USP38: variants seen among roughly 807,000 people sequenced by gnomAD.
The protein encoded by USP38 is ubiquitin specific peptidase 38, also known as ubiquitin carboxyl-terminal hydrolase 38.
In USP38, 49 loss-of-function variants were observed where a neutral mutation model predicts 94.3. That is an observed-to-expected ratio of 0.52 (90% CI 0.41 to 0.66). USP38 has a LOEUF of 0.66. USP38 is among the 30% of genes least tolerant of loss of function. The pLI is 0.00. For synonymous variants in USP38, 468 were observed against 463.6 expected (o/e 1.01, Z -0.12); for missense variants, 1,128 against 1,229.4 (o/e 0.92, Z 1.23).
In USP38 at chr4:143,186,045, A is replaced by T; in HGVS notation, c.595A>T (p.Ser199Cys). 1 of 1,614,206 alleles carries T rather than the reference A, an allele frequency of 6.2e-7. No individual in the cohort carries two copies. The highest frequency in any genetic ancestry group is 8.5e-7 in the Non-Finnish European group (1 of 1,180,038). Residue 199 changes from serine to cysteine, a missense_variant, in exon 1 of 10, where the codon AGT becomes TGT. By Grantham distance (112) the Ser-to-Cys change is moderately radical. Transcript: ENST00000307017. ...ATATGTCTCCCAGGTGACAAAAGTG[A>T]GTAACTTGCTGCAGAACATCTGGAA... ...REYVSQVTKV[S>C]NLLQNIWKAE...
rs760712881 is a variant in USP38 at position 143,214,363 on chromosome 4, G to T, written c.2387G>T (p.Arg796Ile). ...CTGGTTTTGGAGTTGCCAGTTAAAA[G>T]AATTACTTCTTTCTCTTCATTGTCA... ...LPLVLELPVK[R>I]ITSFSSLSES... Residue 796 changes from arginine to isoleucine, a missense_variant, in exon 9 of 10, where the codon AGA becomes ATA. Transcript: ENST00000307017. 18 of 1,613,550 alleles carry T rather than the reference G, an allele frequency of 1.1e-5. No homozygotes were observed. Among genetic ancestry groups the T allele is most frequent in the East Asian group, 4.5e-5 (2 of 44,866 alleles).
At chr4:143,203,279 A>G in intron 4 of USP38, 129 bp from the exon 5 acceptor site, 2 of 943,208 alleles carry the variant, frequency 2.1e-6, no homozygotes, top group Non-Finnish European at 1.5e-6. Flanking sequence ...TAATAACAAG[A>G]AAAACTCTGT....
At position 143,197,857 on chromosome 4, in the gene USP38, C is replaced by G; in HGVS notation, c.983C>G (p.Pro328Arg). Reference sequence around the variant, plus strand: ...CGACTTTGGTTTCCTCTTGTGAGACCTGGTGCTCTTGCAGTTCTTTCTCAC... The same window carrying G: ...CGACTTTGGTTTCCTCTTGTGAGACGTGGTGCTCTTGCAGTTCTTTCTCAC... Reference protein sequence around the residue: ...FNRLWFPLVRPGALAVLSHML... With the variant: ...FNRLWFPLVRRGALAVLSHML... The change falls in exon 4 of 10, where the codon CCT (proline) becomes CGT (arginine). Residue 328 changes from proline (P) to arginine (R), a missense_variant. Coordinates refer to ENST00000307017, the MANE Select transcript of USP38 (RefSeq NM_032557.6). 6.2e-7 allele frequency: 1 copy of G among 1,613,816 alleles called. No individual in the cohort carries two copies. Among genetic ancestry groups the G allele is most frequent in the Non-Finnish European group, 8.5e-7 (1 of 1,179,836 alleles).
intron 3 of USP38, 28 bp from the exon 4 acceptor site, chr4:143,197,795 T>G (rs991619828): frequency 7.3e-6 from 11 of 1,510,036 alleles, no homozygotes; most frequent in Non-Finnish European, 1.0e-5. Context: ...TGCAAATTCT[T>G]AAGAAGGTGT....
In USP38 at chr4:143,220,967, TATA is replaced by T. The variant is rs1732309956; in HGVS notation, c.*512_*514del. 6.6e-6 allele frequency: 1 copy of T among 152,372 alleles called. No individual in the cohort carries two copies. The highest frequency in any genetic ancestry group is 2.4e-5 in the African/African-American group (1 of 41,454). The allele number at this position is 152,372 out of a possible 1,614,324, so 9.4% of individuals were successfully genotyped here. On this transcript the variant is annotated 3_prime_UTR_variant, in exon 10 of 10. Coordinates refer to ENST00000307017, the MANE Select transcript of USP38 (RefSeq NM_032557.6). ...AAGGCAATAACAAAATTTATCAAGATATAGTACTTTTCAGTTTTTGTTTAGTGT... is the reference window on the plus strand; with the variant it reads ...AAGGCAATAACAAAATTTATCAAGATGTACTTTTCAGTTTTTGTTTAGTGT...
chr4:143,193,682 C>T (rs545627546), intron 2 of USP38, among the ~76,000 whole-genome samples: 10 of 152,238 alleles, frequency 6.6e-5, no homozygotes, highest in Admixed American at 3.3e-4. Flanking sequence ...TCTTAATATC[C>T]GAATGGACAT....
At chr4:143,192,693 A>G (rs1731433618) in intron 2 of USP38, among the ~76,000 whole-genome samples, 1 of 151,690 alleles carries the variant, frequency 6.6e-6, no homozygotes, top group Non-Finnish European at 1.5e-5. Flanking sequence ...AATCCCACTC[A>G]CTAGTCACCT....
At position 143,213,931 on chromosome 4, in the gene USP38, G is replaced by C; in HGVS notation, c.1955G>C (p.Gly652Ala). 6.2e-7 allele frequency: 1 copy of C among 1,613,722 alleles called. No individual in the cohort carries two copies. The highest frequency in any genetic ancestry group is 8.5e-7 in the Non-Finnish European group (1 of 1,179,824). The change falls in exon 9 of 10, where the codon GGT becomes GCT. Residue 652 changes from glycine to alanine, a missense_variant. By Grantham distance (60) the Gly-to-Ala change is moderately conservative (BLOSUM62 0). Transcript: ENST00000307017. ...GGTCTAATGCAAGCCTCTGTACCCG[G>C]TCCTTCAGAAGAACCAGTAGTTTAT... Reference protein sequence around the residue: ...DGGLMQASVPGPSEEPVVYNP... With the variant: ...DGGLMQASVPAPSEEPVVYNP...
intron 5 of USP38, among the ~76,000 whole-genome samples, chr4:143,205,698 G>A (rs1270427166): frequency 1.3e-5 from 2 of 152,126 alleles, no homozygotes; most frequent in South Asian, 2.1e-4. Flanking sequence ...CCTTTGAATA[G>A]CACTGCAGTG....
At chr4:143,201,873 G>A (rs1431267518) in intron 4 of USP38, among the ~76,000 whole-genome samples, 2 of 152,092 alleles carry the variant, frequency 1.3e-5, no homozygotes, top group Non-Finnish European at 2.9e-5. Context: ...GAAAGTAATA[G>A]CCTGCTTGGA....
intron 3 of USP38, 108 bp downstream of exon 3, chr4:143,195,953 GTT>G: frequency 1.1e-6 from 1 of 924,060 alleles, no homozygotes; most frequent in South Asian, 2.6e-5. Flanking sequence ...TGTTATTGTT[GTT>G]TTGTTTTGAA....
chr4:143,197,480 TC>T (rs1282701751), intron 3 of USP38, among the ~76,000 whole-genome samples: 1 of 152,206 alleles, frequency 6.6e-6, no homozygotes, highest in African/African-American at 2.4e-5. Context: ...TAGCACTAGT[TC>T]CTAGAACTAG....
intron 4 of USP38, among the ~76,000 whole-genome samples, chr4:143,200,739 A>G (rs1194924312): frequency 6.6e-6 from 1 of 152,192 alleles, no homozygotes; most frequent in African/African-American, 2.4e-5. Context: ...AACAGCAGTC[A>G]AGCTAGGAGC....
intron 9 of USP38, among the ~76,000 whole-genome samples, chr4:143,216,540 A>G (rs1672240759): frequency 7.2e-6 from 1 of 139,322 alleles, no homozygotes; most frequent in Admixed American, 7.3e-5. Context: ...TGCCGTGATC[A>G]TGGTTTATTG....
chr4:143,205,911 A>G (rs1731847038), intron 5 of USP38, 122 bp from the exon 6 acceptor site: 1 of 697,032 alleles, frequency 1.4e-6, no homozygotes. Context: ...CTTCAAAACT[A>G]AGTGGGGGAA....
chr4:143,208,976 CTT>C (rs550012218), intron 6 of USP38, among the ~76,000 whole-genome samples: 5 of 132,866 alleles, frequency 3.8e-5, no homozygotes, highest in Admixed American at 7.4e-5. Context: ...TGTCCCTTTA[CTT>C]TTTTTTTTTT....
chr4:143,215,447 A>G (rs1732160468), intron 9 of USP38: 1 of 152,642 alleles, frequency 6.6e-6, no homozygotes, highest in Non-Finnish European at 1.5e-5. Flanking sequence ...GAGATAATAG[A>G]ACAATTGTAA....
rs748103367 is a variant in USP38 at position 143,186,118 on chromosome 4, G to T, written c.668G>T (p.Ser223Ile). 1 of 1,614,018 alleles carries T rather than the reference G, an allele frequency of 6.2e-7. No individual in the cohort carries two copies. The highest frequency in any genetic ancestry group is 1.1e-5 in the South Asian group (1 of 91,072). Residue 223 changes from serine (S) to isoleucine (I), a missense_variant, in exon 1 of 10, where the codon AGC becomes ATC. Coordinates refer to ENST00000307017, the MANE Select transcript of USP38 (RefSeq NM_032557.6). ...LLPSLQEVFA[S>I]ISSTDASFEP... The stretch of plus-strand genomic sequence containing the variant: ...CCTTCCCTGCAAGAAGTTTTTGCAA[G>T]CATCTCTTCCACAGGTAAGGGTCAT...
chr4:143,203,647 T>A, intron 5 of USP38, 81 bp downstream of exon 5: 1 of 1,425,658 alleles, frequency 7.0e-7, no homozygotes. Context: ...GCTACTCAAT[T>A]TACTATTTTA....
Sources: allele counts gnomAD v4.1 joint callset (sites outside exome capture counted in the v4.1 genomes callset), GRCh38; gene constraint gnomAD v4.1.1; transcripts MANE v1.5; gene names NCBI Gene and HGNC (gene_info 2026-07-23, HGNC 2026-07-21).